DUSP18: variants seen among roughly 807,000 people sequenced by gnomAD.
DUSP18 encodes the protein dual specificity phosphatase 18, also known as dual specificity protein phosphatase 18.
In DUSP18, 4 loss-of-function variants were observed where a neutral mutation model predicts 6.3. The ratio of observed to expected loss-of-function variants is 0.63; its 90% CI spans 0.31 to 1.45. The LOEUF is 1.45. Among genes scored for constraint, DUSP18 ranks in the 40% most tolerant of loss-of-function variants. The pLI, the probability that DUSP18 is intolerant of heterozygous loss-of-function variation, is 0.07. For missense variants in DUSP18, 235 were observed against 247.7 expected (o/e 0.95, Z 0.34); for synonymous variants, 96 against 95.1 (o/e 1.01, Z -0.05).
intron 1 of DUSP18, chr22:30,665,703 G>A (rs1035031517): frequency 1.2e-5 from 4 of 339,444 alleles, no homozygotes; most frequent in Non-Finnish European, 2.4e-5. Flanking sequence ...CTGATTATTT[G>A]ATTAATGTCT....
intron 2 of DUSP18, among the ~76,000 whole-genome samples, chr22:30,653,239 C>T (rs1021225945): frequency 6.6e-6 from 1 of 152,166 alleles, no homozygotes; most frequent in African/African-American, 2.4e-5. Context: ...GTTTCCAAGC[C>T]TACCCCCACT....
chr22:30,660,133 AT>A (rs1243626050), downstream of DUSP18, among the ~76,000 whole-genome samples: 4 of 152,348 alleles, frequency 2.6e-5, no homozygotes, highest in African/African-American at 9.6e-5. Context: ...ATGAAACGTG[AT>A]TTGGACCTTG....
At chr22:30,657,631 G>A (rs1274741624), downstream of DUSP18, among the ~76,000 whole-genome samples, 6 of 151,812 alleles carry the variant, frequency 4.0e-5, no homozygotes, top group East Asian at 1.9e-4. Flanking sequence ...TAGGCCAGGC[G>A]CGGTGGCTCA....
At position 30,663,435 on chromosome 22, in the gene DUSP18, G is replaced by T; in HGVS notation, c.*2C>A. ...CTCCAATGCAGGGGCTCGTGGGATGGCTCACAGTGGAATCATCAAACGGAC... is the reference window on the plus strand; with the variant it reads ...CTCCAATGCAGGGGCTCGTGGGATGTCTCACAGTGGAATCATCAAACGGAC... On this transcript the variant is annotated 3_prime_UTR_variant, in exon 2 of 2. Coordinates refer to ENST00000334679, the MANE Select transcript of DUSP18 (RefSeq NM_152511.5). 6.2e-7 allele frequency: 1 copy of T among 1,605,008 alleles called. No individual in the cohort carries two copies. Among genetic ancestry groups the T allele is most frequent in the South Asian group, 1.1e-5 (1 of 90,504 alleles).
intron 2 of DUSP18, chr22:30,654,515 TG>T: frequency 2.3e-6 from 1 of 428,726 alleles, no homozygotes. Context: ...GAGGCGGTCT[TG>T]GGCGGCCTGG....
At chr22:30,652,339 G>A (rs1432918735) in intron 2 of DUSP18, 3 of 152,210 alleles carry the variant, frequency 2.0e-5, no homozygotes, top group Non-Finnish European at 4.4e-5. Flanking sequence ...GCAGTTTAGG[G>A]AAGGTCAGAA....
At chr22:30,658,072 A>G (rs1359684455), downstream of DUSP18, among the ~76,000 whole-genome samples, 1 of 151,562 alleles carries the variant, frequency 6.6e-6, no homozygotes, top group Non-Finnish European at 1.5e-5. Context: ...ACACCACAGT[A>G]TCTAGCCTGG....
downstream of DUSP18, among the ~76,000 whole-genome samples, chr22:30,656,993 G>A (rs2145596544): frequency 6.6e-6 from 1 of 152,052 alleles, no homozygotes; most frequent in South Asian, 2.1e-4. Flanking sequence ...AAAAAAGGAG[G>A]AATGAAAATT....
chr22:30,661,056 G>T (rs1569067502), downstream of DUSP18, among the ~76,000 whole-genome samples: 1 of 152,118 alleles, frequency 6.6e-6, no homozygotes, highest in Non-Finnish European at 1.5e-5. Flanking sequence ...GGCCAGGCTG[G>T]TCTCGAACAC....
chr22:30,657,152 G>A (rs752176147), downstream of DUSP18, among the ~76,000 whole-genome samples: 1 of 151,738 alleles, frequency 6.6e-6, no homozygotes, highest in Non-Finnish European at 1.5e-5. Flanking sequence ...ATAAATTTCT[G>A]GGCTGGGTGC....
chr22:30,656,954 T>C (rs760306793), downstream of DUSP18, among the ~76,000 whole-genome samples: 3 of 151,564 alleles, frequency 2.0e-5, no homozygotes, highest in Non-Finnish European at 4.4e-5. Context: ...ATCTCTATTT[T>C]GTATAAAAAT....
downstream of DUSP18, among the ~76,000 whole-genome samples, chr22:30,657,293 ACACACACACACAC>A (rs2088358882): frequency 2.7e-5 from 4 of 150,772 alleles, no homozygotes; most frequent in Admixed American, 1.3e-4. Flanking sequence ...ACACACACAC[ACACACACACACAC>A]AAATTAGCCG....
rs1184705247 is a variant in DUSP18, at chr22:30,662,033, T to TTTC, written c.*1403_*1404insGAA. On this transcript the variant is annotated 3_prime_UTR_variant, in exon 2 of 2. Coordinates refer to ENST00000334679, the MANE Select transcript of DUSP18 (RefSeq NM_152511.5). ...AGGGTCTGAAAGGACTTAAACCATT[T>TTTC]TTTTTTTTTTTTTTTTTTACACACA... The TTTC allele has an allele frequency of 3.0e-3, 453 of 150,142 alleles. 1 individual carries two copies. Among genetic ancestry groups the TTTC allele is most frequent in the Middle Eastern group, 0.01 (3 of 288 alleles). 9.3% of individuals were successfully genotyped at this position (150,142 alleles called of 1,614,324 possible). A position where few individuals can be genotyped will look rare whatever the true frequency, so the allele number is the denominator to read the frequency against.
chr22:30,663,866 G>C lies in DUSP18; in HGVS notation c.138C>G (p.Ile46Met). 2 of 1,614,220 alleles carry C rather than the reference G, an allele frequency of 1.2e-6. No individual in the cohort carries two copies. Among genetic ancestry groups the C allele is most frequent in the Non-Finnish European group, 8.5e-7 (1 of 1,180,050 alleles). ...NNKLMLSSNQ[I>M]TMVINVSVEV... ...CCACTGAGACATTGATGACCATGGT[G>C]ATCTGGTTGCTAGACAGCATGAGCT... is the stretch of plus-strand genomic sequence containing the variant. The change falls in exon 2 of 2, where the codon ATC (isoleucine) becomes ATG (methionine). Residue 46 changes from isoleucine to methionine, a missense_variant. By Grantham distance (10) the Ile-to-Met change is conservative (BLOSUM62 1). Transcript: ENST00000334679.
chr22:30,654,988 G>C (rs1474134976), intron 2 of DUSP18, among the ~76,000 whole-genome samples: 1 of 152,142 alleles, frequency 6.6e-6, no homozygotes, highest in African/African-American at 2.4e-5. Context: ...CCAAAGAATA[G>C]AAAGAACCAA....
rs1052205853 is a variant in DUSP18 at position 30,663,887 on chromosome 22, G to A, written c.117C>T (p.Leu39=). ...ISNGVAANNK[L]MLSSNQITMV... ...TGGTGATCTGGTTGCTAGACAGCAT[G>A]AGCTTGTTGTTGGCGGCCACACCAT... is the stretch of plus-strand genomic sequence containing the variant. The change falls in exon 2 of 2, where the codon CTC becomes CTT. Residue 39 remains leucine (L), a synonymous_variant. Coordinates refer to ENST00000334679, the MANE Select transcript of DUSP18 (RefSeq NM_152511.5). 1.9e-6 allele frequency: 3 copies of A among 1,614,222 alleles called. No homozygotes were observed. The highest frequency in any genetic ancestry group is 1.7e-6 in the Non-Finnish European group (2 of 1,180,046).
At chr22:30,652,297 G>T (rs982443904) in exon 3 of DUSP18, 5 of 152,208 alleles carry the variant, frequency 3.3e-5, no homozygotes, top group Non-Finnish European at 7.3e-5. Flanking sequence ...AAGGGCAGGG[G>T]CTGCAAAATA....
At chr22:30,658,141 C>T (rs1049572988), downstream of DUSP18, among the ~76,000 whole-genome samples, 2 of 151,122 alleles carry the variant, frequency 1.3e-5, no homozygotes, top group Admixed American at 6.6e-5. Flanking sequence ...AAAACTGAAT[C>T]TCTCGGGGTT....
chr22:30,666,166 T>A (rs1227494214), intron 1 of DUSP18, among the ~76,000 whole-genome samples: 1 of 151,928 alleles, frequency 6.6e-6, no homozygotes, highest in Non-Finnish European at 1.5e-5. Context: ...CATCAGAAAA[T>A]CCATAGAGAA....
Sources: gnomAD v4.1 joint callset for allele counts (sites outside exome capture counted in the v4.1 genomes callset) on GRCh38, gnomAD v4.1.1 for gene constraint, MANE v1.5 for transcripts, NCBI Gene and HGNC (gene_info 2026-07-23, HGNC 2026-07-21) for gene names.